WFDC3: variants seen among roughly 807,000 people sequenced by gnomAD.
WFDC3 encodes the protein WAP four-disulfide core domain 3.
Under a neutral mutation model 25.8 loss-of-function variants are expected in WFDC3, and 15 were observed. The observed-to-expected ratio is 0.58, with a 90% confidence interval of 0.39 to 0.89. The LOEUF is 0.89. Ranked by LOEUF, WFDC3 falls within the 40% of genes least tolerant of loss-of-function variation. The pLI is 0.00. For missense variants in WFDC3, 264 were observed against 289.8 expected (o/e 0.91, Z 0.65); for synonymous variants, 103 against 107.1 (o/e 0.96, Z 0.24).
chr20:45,789,272 C>T (rs377365477), intron 2 of WFDC3, among the ~76,000 whole-genome samples: 8 of 151,274 alleles, frequency 5.3e-5, no homozygotes, highest in South Asian at 2.1e-4. Flanking sequence ...TTTGGGAGGC[C>T]GAGGCGGGCG....
Position 45,777,828 on chromosome 20 carries a change from A to G in WFDC3, c.359-619T>C, listed in dbSNP as rs1177196998. ...GAGCCCCCCCACCCAGCCCACCCTG[A>G]TATTTTATATTCTAGTTCTTATTTT... On this transcript the variant is annotated intron_variant, in intron 4 of 6. Coordinates refer to ENST00000243938, the MANE Select transcript of WFDC3 (RefSeq NM_080614.2). 6.8e-5 allele frequency among the ~76,000 whole-genome samples: 4 copies of G among 58,752 alleles called. No homozygotes were observed. In the South Asian group the frequency reaches 1.6e-3, roughly 24 times the overall value. The allele number at this position is 58,752 out of a possible 152,430, so 38.5% of individuals were successfully genotyped here. A position where few individuals can be genotyped will look rare whatever the true frequency, so the allele number is the denominator to read the frequency against.
chr20:45,776,634 AAATATATATAT>A, intron 5 of WFDC3, among the ~76,000 whole-genome samples: 1 of 68,816 alleles, frequency 1.5e-5, no homozygotes, highest in East Asian at 5.6e-4. Context: ...AAAAAAAAAA[AAATATATATAT>A]ATATATATAT....
chr20:45,775,994 C>T (rs892348215), intron 5 of WFDC3, among the ~76,000 whole-genome samples: 20 of 152,158 alleles, frequency 1.3e-4, no homozygotes, highest in African/African-American at 4.8e-4. Flanking sequence ...GGTTTGATGT[C>T]CCTGCTTTGT....
intron 4 of WFDC3, among the ~76,000 whole-genome samples, chr20:45,777,789 A>G (rs563717372): frequency 5.3e-5 from 8 of 152,258 alleles, no homozygotes; most frequent in African/African-American, 1.9e-4. Context: ...CCAAAGTGCC[A>G]GGATTACAGG....
chr20:45,779,157 C>T (rs919288214), intron 4 of WFDC3, among the ~76,000 whole-genome samples: 7 of 152,232 alleles, frequency 4.6e-5, no homozygotes, highest in African/African-American at 1.7e-4. Context: ...GCCAGGGCCC[C>T]AGGCGCAGGC....
chr20:45,781,910 C>T (rs1388678397), intron 4 of WFDC3, among the ~76,000 whole-genome samples: 7 of 152,202 alleles, frequency 4.6e-5, no homozygotes, highest in Admixed American at 4.6e-4. Flanking sequence ...TTAAGAAGAG[C>T]GGTCTCAGGC....
chr20:45,774,568 G>T, intron 6 of WFDC3, 124 bp from the exon 7 acceptor site: 1 of 1,279,734 alleles, frequency 7.8e-7, no homozygotes, highest in Non-Finnish European at 1.1e-6. Flanking sequence ...ATAGCTCCTT[G>T]CTTCCCAGAC....
rs1013333952 is a variant in WFDC3, at chr20:45,775,439, A to G, written c.657T>C (p.Thr219=). 1 of 1,614,186 alleles carries G rather than the reference A, an allele frequency of 6.2e-7. No individual in the cohort carries two copies. Among genetic ancestry groups the G allele is most frequent in the Non-Finnish European group, 8.5e-7 (1 of 1,180,006 alleles). Residue 219 remains threonine, a synonymous_variant, in exon 6 of 7, where the codon ACT becomes ACC. Coordinates refer to ENST00000243938, the MANE Select transcript of WFDC3 (RefSeq NM_080614.2). ...CACCTAATTCGGAATCAGACCTCACAGTCCAGTTGGGGTTCATGGTCAGTT... is the reference window on the plus strand; with the variant it reads ...CACCTAATTCGGAATCAGACCTCACGGTCCAGTTGGGGTTCATGGTCAGTT... ...PPKLTMNPNW[T]VRSDSELEIP...
chr20:45,789,153 A>C (rs1156865911), intron 2 of WFDC3, 94 bp from the exon 3 acceptor site: 58 of 1,519,862 alleles, frequency 3.8e-5, no homozygotes, highest in Non-Finnish European at 5.1e-5. Flanking sequence ...TATCCAAAAT[A>C]TTTCTGCACC....
intron 4 of WFDC3, among the ~76,000 whole-genome samples, chr20:45,787,282 CTTTTTTTTTTT>C (rs1158318114): frequency 1.4e-5 from 1 of 73,686 alleles, no homozygotes; most frequent in Non-Finnish European, 2.7e-5. Flanking sequence ...TTTCTTTTTT[CTTTTTTTTTTT>C]TTTTTTTTTT....
At position 45,787,915 on chromosome 20, in the gene WFDC3, C is replaced by T; in HGVS notation, c.279G>A (p.Glu93=). ...AGCATTTCTTTACACCTGGACATGTCTCATCAGTGATGCACCTTTTCAAAC... is the reference window on the plus strand; with the variant it reads ...AGCATTTCTTTACACCTGGACATGTTTCATCAGTGATGCACCTTTTCAAAC... The part of the protein sequence containing the change: ...QSCLKRCITD[E]TCPGVKKCCT... The change falls in exon 4 of 7, where the codon GAG becomes GAA. Residue 93 remains glutamate (E), a synonymous_variant. Transcript: ENST00000243938. 1 of 1,614,120 alleles carries T rather than the reference C, an allele frequency of 6.2e-7. No individual in the cohort carries two copies. Among genetic ancestry groups the T allele is most frequent in the Non-Finnish European group, 8.5e-7 (1 of 1,180,018 alleles).
chr20:45,781,227 T>C (rs1980430931), intron 4 of WFDC3, among the ~76,000 whole-genome samples: 1 of 151,568 alleles, frequency 6.6e-6, no homozygotes. Context: ...CCATCCTGGG[T>C]GACAGAGCGA....
intron 4 of WFDC3, among the ~76,000 whole-genome samples, chr20:45,778,357 A>G (rs1448646813): frequency 6.6e-6 from 1 of 152,216 alleles, no homozygotes; most frequent in Admixed American, 6.5e-5. Context: ...GGCAACCTAC[A>G]CAACTGTGAG....
intron 4 of WFDC3, 86 bp downstream of exon 4, chr20:45,787,750 T>C: frequency 1.4e-6 from 2 of 1,479,486 alleles, no homozygotes. Flanking sequence ...AGCAGCAAAG[T>C]AAAACCAACA....
intron 5 of WFDC3, among the ~76,000 whole-genome samples, chr20:45,776,633 A>AT (rs1160796889): frequency 3.9e-4 from 27 of 69,324 alleles, no homozygotes; most frequent in South Asian, 1.8e-3. Flanking sequence ...AAAAAAAAAA[A>AT]AAATATATAT....
rs3080097 is a variant in WFDC3, at chr20:45,780,063, CTTTTT to C, written c.359-2859_359-2855del. Among the ~76,000 whole-genome samples the C allele has an allele frequency of 0.014, 1,218 of 88,624 alleles. 20 individuals carry two copies. In the East Asian group the frequency reaches 0.14, roughly 10 times the overall value. 58.1% of individuals were successfully genotyped at this position (88,624 alleles called of 152,430 possible). ...TACTTAAGCTAGACAGCCTTTATAC[CTTTTT>C]TTTTTTTTTTTTTTTTTTGAGACAG... On this transcript the variant is annotated intron_variant, in intron 4 of 6. Transcript: ENST00000243938.
intron 4 of WFDC3, among the ~76,000 whole-genome samples, chr20:45,787,332 C>A (rs1488413371): frequency 7.1e-6 from 1 of 140,208 alleles, no homozygotes; most frequent in African/African-American, 2.7e-5. Flanking sequence ...GCTCTGTCAC[C>A]CAGGCTGGAG....
intron 4 of WFDC3, among the ~76,000 whole-genome samples, chr20:45,779,386 A>T (rs1355958717): frequency 6.6e-6 from 1 of 152,208 alleles, no homozygotes; most frequent in African/African-American, 2.4e-5. Flanking sequence ...AAAAGCAAGT[A>T]TTGGAATCCA....
intron 4 of WFDC3, among the ~76,000 whole-genome samples, chr20:45,784,024 A>T (rs1348664998): frequency 6.6e-6 from 1 of 152,224 alleles, no homozygotes; most frequent in African/African-American, 2.4e-5. Context: ...GTGGAAAAGG[A>T]AGCCCTATCT....
Sources: gnomAD v4.1 joint callset for allele counts (sites outside exome capture counted in the v4.1 genomes callset) on GRCh38, gnomAD v4.1.1 for gene constraint, MANE v1.5 for transcripts, NCBI Gene and HGNC (gene_info 2026-07-23, HGNC 2026-07-21) for gene names.